Variants in PICK1 observed in about 807,000 individuals in gnomAD.
PICK1 encodes PRKCA-binding protein.
Under a neutral mutation model 48.9 loss-of-function variants are expected in PICK1, and 23 were observed. The ratio of observed to expected loss-of-function variants is 0.47; its 90% CI spans 0.34 to 0.67. PICK1 has a LOEUF of 0.67. Among genes scored for constraint, PICK1 ranks in the 30% least tolerant of loss-of-function variants. The pLI is 0.01. For missense variants in PICK1, 423 were observed against 557.1 expected, an observed-to-expected ratio of 0.76 and a Z score of 2.42; for synonymous variants, 217 against 228.2, an observed-to-expected ratio of 0.95 and a Z score of 0.44.
chr22:38,059,215 A>C lies in PICK1; in HGVS notation c.42-19A>C. 1 of 1,540,902 alleles carries C rather than the reference A, an allele frequency of 6.5e-7. No individual in the cohort carries two copies. Among genetic ancestry groups the C allele is most frequent in the South Asian group, 1.2e-5 (1 of 84,168 alleles). On this transcript the variant is annotated intron_variant, in intron 2 of 12. Coordinates refer to ENST00000356976, the MANE Select transcript of PICK1 (RefSeq NM_012407.4). Reference sequence around the variant, plus strand: ...ATCCTTCTGCCAGGAGAGTCAGCCTAGCTTGCTTTCCTTTCTAGCGGAATC... The same window carrying C: ...ATCCTTCTGCCAGGAGAGTCAGCCTCGCTTGCTTTCCTTTCTAGCGGAATC...
rs754213542 is a variant in PICK1, at chr22:38,075,068, C to G, written c.1184C>G (p.Pro395Arg). 4.3e-6 allele frequency: 7 copies of G among 1,612,840 alleles called. No homozygotes were observed. Among genetic ancestry groups the G allele is most frequent in the Admixed American group, 1.7e-5 (1 of 60,000 alleles). Reference protein sequence around the residue: ...EEEEDTAAGEPSRDTRGAAGP... With the variant: ...EEEEDTAAGERSRDTRGAAGP... ...GAGGAAGACACGGCAGCTGGGGAGC[C>G]GTCCAGGGATACACGAGGGGCTGCT... The change falls in exon 13 of 13, where the codon CCG becomes CGG. Residue 395 changes from proline to arginine, a missense_variant. Pro to Arg is a moderately radical substitution (Grantham distance 103). Transcript: ENST00000356976.
intron 4 of PICK1, among the ~76,000 whole-genome samples, chr22:38,067,323 T>G (rs2085552851): frequency 6.7e-6 from 1 of 149,690 alleles, no homozygotes; most frequent in Admixed American, 6.6e-5. Context: ...TTTTTTTTTT[T>G]TTTTGAGACA....
chr22:38,070,714 G>A, intron 6 of PICK1, 124 bp from the exon 7 acceptor site: 2 of 817,318 alleles, frequency 2.4e-6, no homozygotes, highest in Non-Finnish European at 4.2e-6. Flanking sequence ...CCCCCTCCCT[G>A]GGACCCCTGA....
intron 9 of PICK1, 114 bp downstream of exon 9, chr22:38,072,724 A>G (rs545307223): frequency 2.5e-4 from 366 of 1,449,714 alleles, no homozygotes; most frequent in Middle Eastern, 1.6e-3. Context: ...CCTCTGGCTC[A>G]GTCACCCACA....
intron 7 of PICK1, among the ~76,000 whole-genome samples, chr22:38,071,413 G>A (rs189638940): frequency 5.3e-5 from 8 of 152,260 alleles, no homozygotes; most frequent in East Asian, 1.9e-4. Flanking sequence ...AGAGTCCCCC[G>A]GAATCCCACA....
At chr22:38,065,318 A>G (rs567568356) in intron 4 of PICK1, 188 bp downstream of exon 4, 2 of 614,226 alleles carry the variant, frequency 3.3e-6, no homozygotes, top group Admixed American at 2.2e-5. Flanking sequence ...ATAAATACTA[A>G]TCGTGCTCCA....
rs1360359047 is a variant in PICK1 at position 38,065,050 on chromosome 22, G to A, written c.202G>A (p.Asp68Asn). 5 of 1,613,960 alleles carry A rather than the reference G, an allele frequency of 3.1e-6. No individual in the cohort carries two copies. The highest frequency in any genetic ancestry group is 2.2e-5 in the South Asian group (2 of 91,090). The change falls in exon 4 of 13, where the codon GAT (aspartate) becomes AAT (asparagine). Residue 68 changes from aspartate to asparagine, a missense_variant. Transcript: ENST00000356976. ...CTTGGACGGCACAGTGGCAGCTGGCGATGAGATCACCGGTGTCAATGGCAG... is the reference window on the plus strand; with the variant it reads ...CTTGGACGGCACAGTGGCAGCTGGCAATGAGATCACCGGTGTCAATGGCAG... ...AALDGTVAAG[D>N]EITGVNGRSI... is the part of the protein sequence containing the mutation.
chr22:38,070,503 C>T (rs1461592174), intron 6 of PICK1, among the ~76,000 whole-genome samples: 1 of 152,220 alleles, frequency 6.6e-6, no homozygotes, highest in Non-Finnish European at 1.5e-5. Flanking sequence ...GAGGCAGAGA[C>T]CATGTCCTTC....
intron 5 of PICK1, 123 bp from the exon 6 acceptor site, chr22:38,068,910 A>T: frequency 1.3e-6 from 1 of 790,720 alleles, no homozygotes. Context: ...TCCCCACTTC[A>T]CAGCCACCCC....
chr22:38,068,205 G>A, intron 5 of PICK1: 1 of 449,918 alleles, frequency 2.2e-6, no homozygotes, highest in Non-Finnish European at 4.5e-6. Flanking sequence ...GCTCCCAGGG[G>A]GACTCTGGAT....
chr22:38,059,457 C>G, intron 3 of PICK1, 112 bp downstream of exon 3: 2 of 802,632 alleles, frequency 2.5e-6, no homozygotes, highest in Non-Finnish European at 2.1e-6. Flanking sequence ...TGAGGTCTGA[C>G]CCTCTCAGAG....
chr22:38,074,363 C>A lies in PICK1; in HGVS notation c.891C>A (p.Ile297=). ...VSTGNYEYRL[I]LRCRQEARAR... is the part of the protein sequence containing the mutation. ...CCGGCAACTATGAGTACCGCCTGATCCTGCGCTGCCGCCAGGAGGCGCGCG... is the reference window on the plus strand; with the variant it reads ...CCGGCAACTATGAGTACCGCCTGATACTGCGCTGCCGCCAGGAGGCGCGCG... Residue 297 remains isoleucine, a synonymous_variant, in exon 12 of 13, where the codon ATC becomes ATA. Transcript: ENST00000356976. The surrounding 1 kb of genome is among the most constrained non-coding windows in gnomAD (Gnocchi z 4.5). 1 of 1,612,966 alleles carries A rather than the reference C, an allele frequency of 6.2e-7. No homozygotes were observed. Among genetic ancestry groups the A allele is most frequent in the African/African-American group, 1.3e-5 (1 of 75,028 alleles).
At position 38,074,315 on chromosome 22, in the gene PICK1, C is replaced by G. The variant is rs756022941; in HGVS notation, c.843C>G (p.Gly281=). 3.1e-6 allele frequency: 5 copies of G among 1,612,710 alleles called. No individual in the cohort carries two copies. Among genetic ancestry groups the G allele is most frequent in the Non-Finnish European group, 2.5e-6 (3 of 1,179,870 alleles). ...DDEEYSCIAL[G]EPLYRVSTGN... Reference sequence around the variant, plus strand: ...TCCCACCCCCGCCCCAGGCCCTAGGCGAGCCCCTTTACCGGGTGAGCACCG... The same window carrying G: ...TCCCACCCCCGCCCCAGGCCCTAGGGGAGCCCCTTTACCGGGTGAGCACCG... Residue 281 remains glycine, a synonymous_variant, in exon 12 of 13, where the codon GGC becomes GGG. Transcript: ENST00000356976. The surrounding 1 kb of genome is among the most constrained non-coding windows in gnomAD (Gnocchi z 4.5).
chr22:38,075,161 G>A lies in PICK1; in HGVS notation c.*29G>A. On this transcript the variant is annotated 3_prime_UTR_variant, in exon 13 of 13. Transcript: ENST00000356976. ...CCCCGCGGCTGTGGTGCCGGGGGCA[G>A]GGTGCGTGGGAGGACGGAGCCTGGG... 2 of 1,594,374 alleles carry A rather than the reference G, an allele frequency of 1.3e-6. No homozygotes were observed. Among genetic ancestry groups the A allele is most frequent in the Non-Finnish European group, 1.7e-6 (2 of 1,169,678 alleles).
intron 6 of PICK1, 63 bp downstream of exon 6, chr22:38,069,185 G>T: frequency 1.7e-6 from 2 of 1,196,084 alleles, no homozygotes. Context: ...AAGAGTGGGG[G>T]GCACCATGGC....
rs2085818370 is a variant in PICK1, at chr22:38,075,391, T to C, written c.*259T>C. The stretch of plus-strand genomic sequence containing the variant: ...CCGGCCAGAGGGAGAGCTTGGTCTC[T>C]GGACCTGCCTTAGGAAGGAGAGGGA... On this transcript the variant is annotated 3_prime_UTR_variant, in exon 13 of 13. Coordinates refer to ENST00000356976, the MANE Select transcript of PICK1 (RefSeq NM_012407.4). 5.9e-6 allele frequency: 3 copies of C among 510,964 alleles called. No individual in the cohort carries two copies. Among genetic ancestry groups the C allele is most frequent in the South Asian group, 6.1e-5 (2 of 33,032 alleles). 31.7% of individuals were successfully genotyped at this position (510,964 alleles called of 1,614,324 possible).
rs549728103 is a variant in PICK1, at chr22:38,064,063, T to C, written c.154-939T>C. On this transcript the variant is annotated intron_variant, in intron 3 of 12. Coordinates refer to ENST00000356976, the MANE Select transcript of PICK1 (RefSeq NM_012407.4). ...ACAATTTTGAGTTAATTATTATTAT[T>C]ATTATTATCTTCGAGACAGAGTCTC... Among the ~76,000 whole-genome samples the C allele has an allele frequency of 3.5e-4, 54 of 152,178 alleles. 1 individual carries two copies. The highest frequency in any genetic ancestry group is 1.2e-3 in the African/African-American group (51 of 41,526).
chr22:38,072,676 G>A, intron 9 of PICK1, 66 bp downstream of exon 9: 2 of 1,594,898 alleles, frequency 1.3e-6, no homozygotes, highest in Admixed American at 3.3e-5. Context: ...GTGGCATGCA[G>A]AGAAGGTCGT....
chr22:38,075,099 C>T lies in PICK1; in HGVS notation c.1215C>T (p.Pro405=), dbSNP rs779327962. ...PSRDTRGAAG[P]LDKGGSWCDS ...GGGATACACGAGGGGCTGCTGGGCC[C>T]TTGGACAAGGGTGGAAGCTGGTGTG... Residue 405 remains proline (P), a synonymous_variant, in exon 13 of 13, where the codon CCC becomes CCT. Transcript: ENST00000356976. 1.9e-6 allele frequency: 3 copies of T among 1,612,378 alleles called. No individual in the cohort carries two copies. The highest frequency in any genetic ancestry group is 2.7e-5 in the African/African-American group (2 of 74,922).
Sources: allele counts gnomAD v4.1 joint callset (sites outside exome capture counted in the v4.1 genomes callset), GRCh38; gene constraint gnomAD v4.1.1; non-coding constraint Gnocchi (gnomAD v3.1); transcripts MANE v1.5; gene names NCBI Gene and HGNC (gene_info 2026-07-23, HGNC 2026-07-21).